DST: variants seen among roughly 807,000 people sequenced by gnomAD.
The protein encoded by DST is bullous pemphigoid antigen.
Under a neutral mutation model 875.2 loss-of-function variants are expected in DST, and 253 were observed. The observed-to-expected ratio is 0.29, with a 90% CI of 0.26 to 0.32. DST has a LOEUF of 0.32. DST is among the 10% of genes least tolerant of loss of function. DST has a pLI of 1.00. For synonymous variants in DST, 3,124 were observed against 3,197.1 expected, an observed-to-expected ratio of 0.98 and a Z score of 0.77; for missense variants, 8,287 against 9,111.6, an observed-to-expected ratio of 0.91 and a Z score of 3.68.
intron 2 of DST, among the ~76,000 whole-genome samples, chr6:56,922,349 T>C (rs1313355502): frequency 2.6e-5 from 4 of 152,176 alleles, no homozygotes; most frequent in Admixed American, 1.3e-4. Flanking sequence ...GGTCCTGCTT[T>C]GATTTACTTT....
At chr6:56,795,684 A>G (rs1021230638) in intron 4 of DST, among the ~76,000 whole-genome samples, 8 of 152,186 alleles carry the variant, frequency 5.3e-5, no homozygotes, top group Admixed American at 1.3e-4. Flanking sequence ...AAGTCCCCAG[A>G]TAATTCTAAA....
At chr6:56,640,762 C>G (rs1359409774) in intron 17 of DST, among the ~76,000 whole-genome samples, 157 bp from the exon 18 acceptor site, 1 of 152,112 alleles carries the variant, frequency 6.6e-6, no homozygotes, top group African/African-American at 2.4e-5. Flanking sequence ...ATGTAAATAA[C>G]AGGGGAAGAG....
intron 4 of DST, among the ~76,000 whole-genome samples, chr6:56,765,644 T>C (rs561636292): frequency 1.2e-4 from 18 of 152,284 alleles, no homozygotes; most frequent in African/African-American, 4.3e-4. Context: ...AGAACAGAGA[T>C]GTTAAGATGA....
At chr6:56,589,625 C>A (rs1400166912) in intron 49 of DST, among the ~76,000 whole-genome samples, 1 of 152,226 alleles carries the variant, frequency 6.6e-6, no homozygotes, top group African/African-American at 2.4e-5. Flanking sequence ...TCAGTCAATG[C>A]AATCCCCATT....
chr6:56,875,226 C>T (rs1436955507), intron 3 of DST, among the ~76,000 whole-genome samples: 3 of 152,122 alleles, frequency 2.0e-5, no homozygotes, highest in Non-Finnish European at 4.4e-5. Flanking sequence ...CCTCGTGATC[C>T]GCCCGCCTCA....
intron 36 of DST, chr6:56,617,967 C>T: frequency 1.9e-6 from 3 of 1,602,838 alleles, no homozygotes; most frequent in Non-Finnish European, 2.6e-6. Flanking sequence ...CTGATAAGGT[C>T]TCAGAACACA....
Position 56,596,007 on chromosome 6 carries a change from T to TATTTATTTATTTATTTA in DST, c.12195+1732_12195+1733insTAAATAAATAAATAAAT, listed in dbSNP as rs773304161. Among the ~76,000 whole-genome samples, 405 of 145,886 alleles carry TATTTATTTATTTATTTA rather than the reference T, an allele frequency of 2.8e-3. 5 individuals are homozygous for TATTTATTTATTTATTTA. Among genetic ancestry groups the TATTTATTTATTTATTTA allele is most frequent in the Middle Eastern group, 0.021 (6 of 290 alleles). On this transcript the variant is annotated intron_variant, in intron 47 of 103. Coordinates refer to ENST00000680361, the MANE Select transcript of DST (RefSeq NM_001374736.1). ...TGCTGCCAGATTAGGACTTTCTTTC[T>TATTTATTTATTTATTTA]TTTATTTATTTATTTACTTATTTAT...
At chr6:56,695,195 T>TTC (rs1349015406) in intron 9 of DST, among the ~76,000 whole-genome samples, 2 of 149,224 alleles carry the variant, frequency 1.3e-5, no homozygotes, top group East Asian at 2.0e-4. Flanking sequence ...CTCCTCCTCC[T>TTC]TCTCTCTCTC....
At chr6:56,498,495 C>T (rs1334730513) in intron 80 of DST, among the ~76,000 whole-genome samples, 1 of 152,150 alleles carries the variant, frequency 6.6e-6, no homozygotes, top group Non-Finnish European at 1.5e-5. Flanking sequence ...TGTGTGAGAA[C>T]AGTTTGCTAG....
At chr6:56,610,978 G>T (rs1421020433) in intron 38 of DST, among the ~76,000 whole-genome samples, 1 of 152,080 alleles carries the variant, frequency 6.6e-6, no homozygotes, top group East Asian at 1.9e-4. Flanking sequence ...ATTTGCTAAG[G>T]TATACTATAA....
At chr6:56,582,963 T>C (rs1400774278) in intron 49 of DST, among the ~76,000 whole-genome samples, 5 of 152,172 alleles carry the variant, frequency 3.3e-5, no homozygotes, top group African/African-American at 1.2e-4. Flanking sequence ...CCATGGTGTA[T>C]ATGTGCCACA....
At chr6:56,865,137 T>C (rs978460486) in intron 3 of DST, among the ~76,000 whole-genome samples, 1 of 152,080 alleles carries the variant, frequency 6.6e-6, no homozygotes, top group Non-Finnish European at 1.5e-5. Context: ...GAGACAGAGA[T>C]TCAAGGAGTC....
At chr6:56,855,473 T>A (rs1767412047) in intron 3 of DST, among the ~76,000 whole-genome samples, 2 of 151,976 alleles carry the variant, frequency 1.3e-5, no homozygotes, top group Admixed American at 1.3e-4. Context: ...GTCATCGGGG[T>A]GGGGGGTTAA....
At position 56,614,456 on chromosome 6, in the gene DST, T is replaced by A; in HGVS notation, c.4958A>T (p.His1653Leu). 1 of 1,608,144 alleles carries A rather than the reference T, an allele frequency of 6.2e-7. No homozygotes were observed. The highest frequency in any genetic ancestry group is 1.7e-5 in the Admixed American group (1 of 59,068). ...TTGCAATTCTTTGGCTTTTTCAACA[T>A]GTTCTTTCTTTTCTTCTTCCAGTGA... is the stretch of plus-strand genomic sequence containing the variant. Reference protein sequence around the residue: ...EKSLEEEKKEHVEKAKELQKW... With the variant: ...EKSLEEEKKELVEKAKELQKW... Residue 1653 changes from histidine to leucine, a missense_variant, in exon 37 of 104, where the codon CAT becomes CTT. Transcript: ENST00000680361.
intron 3 of DST, among the ~76,000 whole-genome samples, chr6:56,858,111 T>G (rs960709231): frequency 1.3e-5 from 2 of 152,146 alleles, no homozygotes; most frequent in Non-Finnish European, 2.9e-5. Context: ...GGTGAGGCCA[T>G]TAGCTGGCTC....
At chr6:56,708,971 C>T (rs2099351780) in intron 5 of DST, among the ~76,000 whole-genome samples, 1 of 152,106 alleles carries the variant, frequency 6.6e-6, no homozygotes, top group Non-Finnish European at 1.5e-5. Context: ...TCCTTTTTCT[C>T]TTTTTGGATA....
intron 8 of DST, among the ~76,000 whole-genome samples, chr6:56,701,546 C>T (rs1485554367): frequency 1.3e-5 from 2 of 152,040 alleles, no homozygotes; most frequent in Non-Finnish European, 2.9e-5. Flanking sequence ...TGCTTCCCCA[C>T]AATTAAGAAC....
chr6:56,536,546 T>C (rs548848028), intron 62 of DST, among the ~76,000 whole-genome samples: 1 of 152,304 alleles, frequency 6.6e-6, no homozygotes, highest in South Asian at 2.1e-4. Context: ...CTGTCTTGAT[T>C]AAAGGCGAGA....
At chr6:56,902,097 AAAC>A (rs1185640000) in intron 2 of DST, among the ~76,000 whole-genome samples, 9 of 152,228 alleles carry the variant, frequency 5.9e-5, no homozygotes, top group Non-Finnish European at 1.3e-4. Context: ...AAGACAAAGG[AAAC>A]AACATAAGAA....
Sources: gnomAD v4.1 joint callset for allele counts (sites outside exome capture counted in the v4.1 genomes callset) on GRCh38, gnomAD v4.1.1 for gene constraint, MANE v1.5 for transcripts, NCBI Gene and HGNC (gene_info 2026-07-23, HGNC 2026-07-21) for gene names.